ESRRG: variants seen among roughly 807,000 people sequenced by gnomAD.
ESRRG encodes the protein estrogen-related receptor gamma.
ESRRG carries 13 observed loss-of-function variants against 44.0 expected under a neutral mutation model. The ratio of observed to expected loss-of-function variants is 0.30; its 90% CI spans 0.19 to 0.47. The LOEUF (loss-of-function observed/expected upper bound fraction) is 0.47. Among genes scored for constraint, ESRRG ranks in the 20% least tolerant of loss-of-function variants. The pLI, the probability that ESRRG is intolerant of heterozygous loss-of-function variation, is 1.00. For missense variants in ESRRG, 395 were observed against 580.6 expected (o/e 0.68, Z 3.29); for synonymous variants, 215 against 214.6 (o/e 1.00, Z -0.02).
intron 2 of ESRRG, among the ~76,000 whole-genome samples, chr1:216,934,840 G>C (rs1246961193): frequency 6.6e-6 from 1 of 152,104 alleles, no homozygotes; most frequent in Non-Finnish European, 1.5e-5. Context: ...GTGCGTATTG[G>C]TGACTCTTTT....
Position 217,073,532 on chromosome 1 carries a change from T to A in ESRRG, c.-106+15975A>T, listed in dbSNP as rs181104276. On this transcript the variant is annotated intron_variant, in intron 1 of 7. Coordinates refer to the ESRRG transcript ENST00000359162. ...GGTCACTTCAAATGTGGCTCTCCTG[T>A]TCAATAGCAGGAGAAAGAAAAACGG... 9.3e-4 allele frequency among the ~76,000 whole-genome samples: 141 copies of A among 152,258 alleles called. 1 individual carries two copies. The highest frequency in any genetic ancestry group is 3.3e-3 in the African/African-American group (138 of 41,558).
At chr1:216,997,830 GA>G (rs1486162580) in intron 1 of ESRRG, among the ~76,000 whole-genome samples, 1 of 152,126 alleles carries the variant, frequency 6.6e-6, no homozygotes, top group Non-Finnish European at 1.5e-5. Context: ...GACATCCAAG[GA>G]ACCCAAATTA....
chr1:216,776,384 C>T (rs551197211), intron 2 of ESRRG, among the ~76,000 whole-genome samples: 10 of 152,174 alleles, frequency 6.6e-5, no homozygotes, highest in Non-Finnish European at 8.8e-5. Flanking sequence ...GACTTAGAGG[C>T]ACCTGAGTTG....
chr1:216,624,926 T>C (rs2062910391), intron 3 of ESRRG, among the ~76,000 whole-genome samples: 1 of 152,196 alleles, frequency 6.6e-6, no homozygotes, highest in South Asian at 2.1e-4. Flanking sequence ...TCCTCAATTC[T>C]GTTACTTGGC....
intron 2 of ESRRG, among the ~76,000 whole-genome samples, chr1:216,801,752 A>G (rs1334714110): frequency 6.6e-6 from 1 of 152,120 alleles, no homozygotes; most frequent in Non-Finnish European, 1.5e-5. Flanking sequence ...GGGAAAATGT[A>G]TATTCAGGTC....
intron 2 of ESRRG, among the ~76,000 whole-genome samples, chr1:216,874,998 C>T (rs1027288654): frequency 7.9e-5 from 12 of 152,266 alleles, no homozygotes; most frequent in East Asian, 3.9e-4. Flanking sequence ...GCTGCACTAT[C>T]GGTTTCCTTA....
chr1:216,942,454 G>T (rs2065400241), intron 1 of ESRRG, among the ~76,000 whole-genome samples: 1 of 152,098 alleles, frequency 6.6e-6, no homozygotes, highest in African/African-American at 2.4e-5. Context: ...TAGGTTGAAT[G>T]GTAGTTCTGT....
At chr1:216,767,701 C>T (rs2093152872) in intron 2 of ESRRG, among the ~76,000 whole-genome samples, 1 of 152,100 alleles carries the variant, frequency 6.6e-6, no homozygotes, top group African/African-American at 2.4e-5. Context: ...ATCCTTTACA[C>T]AATTTTTTTC....
At chr1:216,609,696 A>AT (rs372968226) in intron 3 of ESRRG, among the ~76,000 whole-genome samples, 3 of 152,176 alleles carry the variant, frequency 2.0e-5, no homozygotes, top group Non-Finnish European at 2.9e-5. Flanking sequence ...TAACTAGTCT[A>AT]TTTTTTTCTT....
intron 2 of ESRRG, among the ~76,000 whole-genome samples, chr1:216,763,491 A>G (rs867455208): frequency 1.5e-4 from 23 of 152,180 alleles, no homozygotes; most frequent in African/African-American, 5.5e-4. Flanking sequence ...GTGTGAGGGG[A>G]AAAAAAGAGG....
In ESRRG at chr1:216,808,842, T is replaced by C. The variant is rs141726403; in HGVS notation, c.-14+130740A>G. Among the ~76,000 whole-genome samples the C allele has an allele frequency of 1.6e-3, 244 of 152,322 alleles. 1 individual carries two copies. The highest frequency in any genetic ancestry group is 5.6e-3 in the African/African-American group (231 of 41,574). Reference sequence around the variant, plus strand: ...AGGTCCCAATTTGACCATTCCTCAGTTGATAAAAATCATTAAGCAGAACAT... The same window carrying C: ...AGGTCCCAATTTGACCATTCCTCAGCTGATAAAAATCATTAAGCAGAACAT... On this transcript the variant is annotated intron_variant, in intron 2 of 7. Transcript: ENST00000359162.
chr1:216,544,458 A>G (rs954276979), intron 5 of ESRRG, among the ~76,000 whole-genome samples: 2 of 152,032 alleles, frequency 1.3e-5, no homozygotes, highest in African/African-American at 4.8e-5. Context: ...ATGCCCTCCA[A>G]GGTTACTGAG....
At chr1:216,650,824 G>A (rs113683514) in intron 3 of ESRRG, 149 bp downstream of exon 3, 12 of 672,070 alleles carry the variant, frequency 1.8e-5, no homozygotes, top group African/African-American at 1.3e-4. Context: ...TTATCAGAAA[G>A]TCCAGGTATA....
intron 2 of ESRRG, among the ~76,000 whole-genome samples, chr1:216,777,917 G>C (rs571613895): frequency 3.9e-4 from 60 of 152,178 alleles, no homozygotes; most frequent in African/African-American, 1.4e-3. Flanking sequence ...AAGACAACCA[G>C]GCTTGCTATC....
At chr1:216,853,958 G>T (rs2095877774) in intron 2 of ESRRG, among the ~76,000 whole-genome samples, 1 of 152,090 alleles carries the variant, frequency 6.6e-6, no homozygotes, top group Admixed American at 6.6e-5. Context: ...CTGAAACACT[G>T]TGCTAATCCT....
At chr1:216,534,862 C>T (rs994164661) in intron 5 of ESRRG, among the ~76,000 whole-genome samples, 2 of 152,100 alleles carry the variant, frequency 1.3e-5, no homozygotes, top group African/African-American at 4.8e-5. Context: ...ACGGCATCAG[C>T]CTCATGTTGG....
intron 3 of ESRRG, among the ~76,000 whole-genome samples, chr1:216,582,034 TATTTATTTAGGCCCTCC>T (rs1353789332): frequency 4.6e-5 from 7 of 152,240 alleles, no homozygotes; most frequent in Admixed American, 1.3e-4. Flanking sequence ...CTTACTCTTT[TATTTATTTAGGCCCTCC>T]ATTATATCTG....
At chr1:216,529,327 G>A (rs1208391924) in intron 5 of ESRRG, among the ~76,000 whole-genome samples, 1 of 152,126 alleles carries the variant, frequency 6.6e-6, no homozygotes, top group Non-Finnish European at 1.5e-5. Flanking sequence ...ATTTATGGCT[G>A]GCTGAGAGTT....
chr1:216,912,158 A>G (rs866020792), intron 2 of ESRRG, among the ~76,000 whole-genome samples: 1,402 of 36,662 alleles, frequency 0.038, 60 homozygotes, highest in Middle Eastern at 0.16. Flanking sequence ...AAGAAAAGAA[A>G]AGAAAAGAAA....
Sources: allele counts gnomAD v4.1 joint callset (sites outside exome capture counted in the v4.1 genomes callset), GRCh38; gene constraint gnomAD v4.1.1; transcripts MANE v1.5; gene names NCBI Gene and HGNC (gene_info 2026-07-23, HGNC 2026-07-21).